The following TMEM150B variants were observed in gnomAD, a reference collection of about 807,000 sequenced individuals.
TMEM150B encodes the protein transmembrane protein 150B.
TMEM150B carries 33 observed loss-of-function variants against 25.2 expected under a neutral mutation model. The ratio of observed to expected loss-of-function variants is 1.31; its 90% CI spans 0.99 to 1.75. The LOEUF (loss-of-function observed/expected upper bound fraction) is 1.75. TMEM150B is among the 40% of genes most tolerant of loss of function. The pLI, the probability that TMEM150B is intolerant of heterozygous loss-of-function variation, is 0.00. For synonymous variants in TMEM150B, 133 were observed against 134.8 expected (o/e 0.99, Z 0.09); for missense variants, 322 against 306.1 (o/e 1.05, Z -0.39).
chr19:55,324,472 A>G (rs1255812665), intron 1 of TMEM150B, among the ~76,000 whole-genome samples: 1 of 151,980 alleles, frequency 6.6e-6, no homozygotes, highest in Non-Finnish European at 1.5e-5. Flanking sequence ...ACATAGTGAA[A>G]CCCCGTCTCT....
chr19:55,320,594 C>G lies in TMEM150B; in HGVS notation c.92G>C (p.Arg31Thr), dbSNP rs1433414538. The change falls in exon 4 of 8, where the codon AGG becomes ACG. Residue 31 changes from arginine to threonine, a missense_variant. Coordinates refer to ENST00000326652, the MANE Select transcript of TMEM150B (RefSeq NM_001282011.2). ...AAAGCCTTTACTGAGGTCCACAGTCCTGTTGGTCACTGCAATGGCAAAACT... is the reference window on the plus strand; with the variant it reads ...AAAGCCTTTACTGAGGTCCACAGTCGTGTTGGTCACTGCAATGGCAAAACT... ...WIVFAIAVTN[R>T]TVDLSKGFPY... The G allele has an allele frequency of 2.5e-6, 4 of 1,613,932 alleles. No individual in the cohort carries two copies. Among genetic ancestry groups the G allele is most frequent in the Non-Finnish European group, 3.4e-6 (4 of 1,179,984 alleles).
Position 55,312,805 on chromosome 19 carries a change from G to A in TMEM150B, c.*54C>T. The A allele has an allele frequency of 6.7e-7, 1 of 1,498,510 alleles. No individual in the cohort carries two copies. The highest frequency in any genetic ancestry group is 1.3e-5 in the South Asian group (1 of 78,470). 92.8% of individuals were successfully genotyped at this position (1,498,510 alleles called of 1,614,324 possible). A position where few individuals can be genotyped will look rare whatever the true frequency, so the allele number is the denominator to read the frequency against. On this transcript the variant is annotated 3_prime_UTR_variant, in exon 8 of 8. Coordinates refer to ENST00000326652, the MANE Select transcript of TMEM150B (RefSeq NM_001282011.2). Reference sequence around the variant, plus strand: ...TTGCTGGGTGCGGGGCACTGGGATTGGCCCCATCTTTCCTGCTTCACTGGT... The same window carrying A: ...TTGCTGGGTGCGGGGCACTGGGATTAGCCCCATCTTTCCTGCTTCACTGGT...
downstream of TMEM150B, chr19:55,311,975 C>A: frequency 6.3e-7 from 1 of 1,591,640 alleles, no homozygotes. Flanking sequence ...AGCCCCCACC[C>A]GGCCGCCCAG....
intron 7 of TMEM150B, among the ~76,000 whole-genome samples, chr19:55,315,891 C>G (rs1328872635): frequency 3.3e-5 from 5 of 152,148 alleles, no homozygotes; most frequent in Non-Finnish European, 5.9e-5. Flanking sequence ...GATCACGCCA[C>G]TGCACTCCAG....
At position 55,321,021 on chromosome 19, in the gene TMEM150B, A is replaced by G. The variant is rs1210077170; in HGVS notation, c.16T>C (p.Ser6Pro). The change falls in exon 3 of 8, where the codon TCG (serine) becomes CCG (proline). Residue 6 changes from serine to proline, a missense_variant. Physicochemically the swap from Ser to Pro is moderately conservative, Grantham distance 74. Coordinates refer to ENST00000326652, the MANE Select transcript of TMEM150B (RefSeq NM_001282011.2). MWGYL[S>P]LMPVFLAVWA... ...ACAGCTAGGAAGACAGGCATCAGCG[A>G]CAGGTAGCCCCACATGCCGGGCTCT... The G allele has an allele frequency of 6.2e-7, 1 of 1,613,848 alleles. No homozygotes were observed. The highest frequency in any genetic ancestry group is 8.5e-7 in the Non-Finnish European group (1 of 1,179,836).
rs772056212 is a variant in TMEM150B at position 55,316,851 on chromosome 19, C to G, written c.440G>C (p.Gly147Ala). The change falls in exon 7 of 8, where the codon GGG (glycine) becomes GCG (alanine). Residue 147 changes from glycine (G) to alanine (A), a missense_variant. Transcript: ENST00000326652. ...LWRLKRLPQP[G>A]AAWIGPLRLG... Reference sequence around the variant, plus strand: ...GCGGAGGGGCCCAATCCAGGCAGCCCCGGGCTGGGGCAGCCTCTTCAGCCT... The same window carrying G: ...GCGGAGGGGCCCAATCCAGGCAGCCGCGGGCTGGGGCAGCCTCTTCAGCCT... 86 of 1,592,858 alleles carry G rather than the reference C, an allele frequency of 5.4e-5. No individual in the cohort carries two copies. The highest frequency in any genetic ancestry group is 6.4e-5 in the Non-Finnish European group (75 of 1,172,550).
chr19:55,312,740 G>T, downstream of TMEM150B: 2 of 1,169,430 alleles, frequency 1.7e-6, no homozygotes, highest in East Asian at 2.6e-5. Context: ...GTCAGTCAGC[G>T]GCAGCCCCAG....
chr19:55,323,744 C>A (rs2089264190), intron 1 of TMEM150B, among the ~76,000 whole-genome samples: 2 of 150,978 alleles, frequency 1.3e-5, no homozygotes, highest in Non-Finnish European at 2.9e-5. Context: ...CTCAGGTGAT[C>A]CACCCGCCTC....
chr19:55,322,710 G>C lies in TMEM150B; in HGVS notation c.-120C>G, dbSNP rs1410160737. The C allele has an allele frequency of 4.1e-6, 4 of 985,272 alleles. No individual in the cohort carries two copies. In the African/African-American group the frequency reaches 7.0e-5, roughly 17 times the overall value. 61.0% of individuals were successfully genotyped at this position (985,272 alleles called of 1,614,324 possible). The stretch of plus-strand genomic sequence containing the variant: ...GGGCTGGGTGAGCTCAGGGAAGAAG[G>C]GCTGGCATTCGGGGTGGGGCTCAGG... On this transcript the variant is annotated 5_prime_UTR_variant, in exon 2 of 8. Coordinates refer to ENST00000326652, the MANE Select transcript of TMEM150B (RefSeq NM_001282011.2).
downstream of TMEM150B, chr19:55,312,064 C>T: frequency 7.0e-7 from 1 of 1,433,710 alleles, no homozygotes; most frequent in Non-Finnish European, 9.2e-7. Context: ...ACCCCTCTGC[C>T]CTGACCCCAC....
At chr19:55,323,130 C>T (rs1411921005) in intron 1 of TMEM150B, among the ~76,000 whole-genome samples, 1 of 152,184 alleles carries the variant, frequency 6.6e-6, no homozygotes, top group Non-Finnish European at 1.5e-5. Context: ...TAACATTAGC[C>T]ATTTTAAAGT....
chr19:55,322,314 G>A (rs2089227910), intron 2 of TMEM150B, among the ~76,000 whole-genome samples: 1 of 152,118 alleles, frequency 6.6e-6, no homozygotes, highest in Non-Finnish European at 1.5e-5. Flanking sequence ...CTCACATGCT[G>A]GGCTCTGCAG....
chr19:55,311,995 T>G, downstream of TMEM150B: 1 of 1,544,614 alleles, frequency 6.5e-7, no homozygotes, highest in South Asian at 1.2e-5. Flanking sequence ...GACCCAGAGC[T>G]GAGCAGCTCT....
At chr19:55,316,711 A>C in intron 7 of TMEM150B, 75 bp downstream of exon 7, 1 of 1,333,948 alleles carries the variant, frequency 7.5e-7, no homozygotes, top group South Asian at 1.8e-5. Flanking sequence ...ATCCCCAGTG[A>C]CAGACAGCCA....
downstream of TMEM150B, chr19:55,312,595 A>G: frequency 2.8e-6 from 1 of 353,558 alleles, no homozygotes; most frequent in Non-Finnish European, 5.1e-6. Context: ...GATCAGGGAC[A>G]GCTGGCTGGC....
chr19:55,322,607 C>G, intron 2 of TMEM150B, 41 bp downstream of exon 2: 1 of 948,448 alleles, frequency 1.1e-6, no homozygotes, highest in Non-Finnish European at 1.3e-6. Context: ...CCAGCCCCTC[C>G]GTGCACCTCC....
At position 55,316,830 on chromosome 19, in the gene TMEM150B, A is replaced by G; in HGVS notation, c.461T>C (p.Leu154Pro). 6.3e-7 allele frequency: 1 copy of G among 1,578,300 alleles called. No homozygotes were observed. Among genetic ancestry groups the G allele is most frequent in the Non-Finnish European group, 8.6e-7 (1 of 1,168,056 alleles). ...PQPGAAWIGP[L>P]RLGLCSVCTI... ...GCAGACGCTGCAGAGGCCCAGGCGG[A>G]GGGGCCCAATCCAGGCAGCCCCGGG... is the stretch of plus-strand genomic sequence containing the variant. Residue 154 changes from leucine to proline, a missense_variant, in exon 7 of 8, where the codon CTC becomes CCC. By Grantham distance (98) the Leu-to-Pro change is moderately conservative. Transcript: ENST00000326652.
chr19:55,323,768 GC>G (rs1454731224), intron 1 of TMEM150B, among the ~76,000 whole-genome samples: 4 of 147,652 alleles, frequency 2.7e-5, no homozygotes, highest in Non-Finnish European at 5.9e-5. Flanking sequence ...CTCCCAAAGT[GC>G]TGGGATTACA....
At chr19:55,320,877 C>T in intron 3 of TMEM150B, 92 bp downstream of exon 3, 2 of 1,462,374 alleles carry the variant, frequency 1.4e-6, no homozygotes, top group Non-Finnish European at 1.8e-6. Flanking sequence ...GGGATCCAGG[C>T]CCCCAACCCC....
Sources: allele counts gnomAD v4.1 joint callset (sites outside exome capture counted in the v4.1 genomes callset), GRCh38; gene constraint gnomAD v4.1.1; transcripts MANE v1.5; gene names NCBI Gene and HGNC (gene_info 2026-07-23, HGNC 2026-07-21).